COQ9: variants seen among roughly 807,000 people sequenced by gnomAD.
COQ9 encodes coenzyme Q9, also known as ubiquinone biosynthesis protein COQ9, mitochondrial.
In COQ9, 35 loss-of-function variants were observed where a neutral mutation model predicts 42.4. The ratio of observed to expected loss-of-function variants is 0.83; its 90% CI spans 0.63 to 1.10. The LOEUF (loss-of-function observed/expected upper bound fraction) is 1.10, where lower values mean the gene tolerates loss of function less well. COQ9 is among the 50% of genes least tolerant of loss of function. The probability of loss-of-function intolerance (pLI) is 0.00; values close to 1 mark genes in which losing one functional copy is unlikely to be tolerated. For synonymous variants in COQ9, 155 were observed against 155.1 expected (o/e 1.00, Z 0.00); for missense variants, 406 against 414.6 (o/e 0.98, Z 0.18).
chr16:57,450,412 C>CA (rs59815351), intron 1 of COQ9, among the ~76,000 whole-genome samples: 19,477 of 92,492 alleles, frequency 0.21, 2,022 homozygotes, highest in South Asian at 0.31. Flanking sequence ...GAGACTCTGA[C>CA]AAAAAAAAAA....
intron 3 of COQ9, among the ~76,000 whole-genome samples, chr16:57,455,715 G>A (rs1403247650): frequency 6.6e-6 from 1 of 152,056 alleles, no homozygotes; most frequent in Non-Finnish European, 1.5e-5. Context: ...TGGCTGCGAG[G>A]GGTAGAACTA....
rs2301773 is a variant in COQ9 at position 57,451,206 on chromosome 16, C to A, written c.240C>A (p.Pro80=). The A allele has an allele frequency of 1.2e-6, 2 of 1,614,108 alleles. No individual in the cohort carries two copies. The highest frequency in any genetic ancestry group is 1.7e-6 in the Non-Finnish European group (2 of 1,180,036). The change falls in exon 2 of 9, where the codon CCC becomes CCA. Residue 80 remains proline (P), a splice_region_variant and synonymous_variant. Transcript: ENST00000262507. ...ATCCAGAGTCTTCTCATTCACCCCC[C>A]AGGTAGGCACCAATCCACCTATTTC... The part of the protein sequence containing the change: ...KPDPESSHSP[P]RYTDQGGEEE...
intron 4 of COQ9, 138 bp downstream of exon 4, chr16:57,456,784 T>A: frequency 7.4e-7 from 1 of 1,344,294 alleles, no homozygotes; most frequent in Non-Finnish European, 1.0e-6. Flanking sequence ...GTGATGGGAC[T>A]GAAACCTGGC....
intron 2 of COQ9, among the ~76,000 whole-genome samples, chr16:57,451,748 T>G (rs1048108267): frequency 6.6e-6 from 1 of 152,242 alleles, no homozygotes; most frequent in Admixed American, 6.5e-5. Flanking sequence ...GTAATGTCTT[T>G]TCATAGCTTA....
At chr16:57,455,417 A>AT (rs2030379838) in intron 3 of COQ9, among the ~76,000 whole-genome samples, 1 of 148,096 alleles carries the variant, frequency 6.8e-6, no homozygotes, top group Non-Finnish European at 1.5e-5. Context: ...ATATATATAT[A>AT]AAATAATTAT....
chr16:57,452,921 T>A lies in COQ9; in HGVS notation c.363T>A (p.Ile121=). 1.2e-6 allele frequency: 2 copies of A among 1,613,648 alleles called. No homozygotes were observed. Among genetic ancestry groups the A allele is most frequent in the Non-Finnish European group, 1.7e-6 (2 of 1,179,918 alleles). The change falls in exon 3 of 9, where the codon ATT becomes ATA. Residue 121 remains isoleucine (I), a synonymous_variant. Transcript: ENST00000262507. ...CCCACGGGTGGACAGCAGAGGCGAT[T>A]GCAGAAGGAGCCCAGGTGTGTATAG... The part of the protein sequence containing the change: ...VPAHGWTAEA[I]AEGAQSLGLS...
chr16:57,456,967 G>A lies in COQ9; in HGVS notation c.558G>A (p.Val186=). 1 of 1,614,110 alleles carries A rather than the reference G, an allele frequency of 6.2e-7. No homozygotes were observed. Among genetic ancestry groups the A allele is most frequent in the Non-Finnish European group, 8.5e-7 (1 of 1,179,984 alleles). Residue 186 remains valine, a synonymous_variant, in exon 5 of 9, where the codon GTG becomes GTA. Transcript: ENST00000262507. ...CAGACCAGTTCCTGAGGGATGCAGT[G>A]GAAACCAGACTGAGAATGCTGATCC... ...RKTDQFLRDA[V]ETRLRMLIPY...
In COQ9 at chr16:57,460,575, C is replaced by T. The variant is rs1045466017; in HGVS notation, c.922-14C>T. On this transcript the variant is annotated splice_polypyrimidine_tract_variant and intron_variant, in intron 8 of 8. Transcript: ENST00000262507. ...AAGCCCTCACTATTCTCTTTATTTC[C>T]ATTCCCGTGTCAGCTCAAGAACTTG... 9.9e-6 allele frequency: 16 copies of T among 1,613,652 alleles called. No homozygotes were observed. The highest frequency in any genetic ancestry group is 2.2e-5 in the East Asian group (1 of 44,878).
At chr16:57,450,898 T>A in intron 1 of COQ9, 142 bp from the exon 2 acceptor site, 3 of 940,854 alleles carry the variant, frequency 3.2e-6, no homozygotes, top group South Asian at 1.4e-5. Context: ...TACCCAATAT[T>A]TTTGTGTGGG....
chr16:57,460,724 C>A lies in COQ9; in HGVS notation c.*100C>A. 2 of 1,123,384 alleles carry A rather than the reference C, an allele frequency of 1.8e-6. No individual in the cohort carries two copies. The highest frequency in any genetic ancestry group is 1.3e-6 in the Non-Finnish European group (1 of 746,812). 69.6% of individuals were successfully genotyped at this position (1,123,384 alleles called of 1,614,324 possible). A position where few individuals can be genotyped will look rare whatever the true frequency, so the allele number is the denominator to read the frequency against. On this transcript the variant is annotated 3_prime_UTR_variant, in exon 9 of 9. Coordinates refer to ENST00000262507, the MANE Select transcript of COQ9 (RefSeq NM_020312.4). The stretch of plus-strand genomic sequence containing the variant: ...TGCCATCCACATAACCTGGTGTTCA[C>A]GAGAACACACTAAAGGACTCCTGAG...
At chr16:57,458,116 G>A (rs555292725) in intron 5 of COQ9, 130 bp from the exon 6 acceptor site, 31 of 727,450 alleles carry the variant, frequency 4.3e-5, no homozygotes, top group Non-Finnish European at 6.4e-5. Context: ...ACGCCAGTGG[G>A]TGAAGATGCT....
At chr16:57,452,045 G>A (rs1440246179) in intron 2 of COQ9, among the ~76,000 whole-genome samples, 2 of 152,026 alleles carry the variant, frequency 1.3e-5, no homozygotes, top group South Asian at 4.1e-4. Context: ...AAATTAGCGT[G>A]TTCCTTTTCA....
intron 8 of COQ9, among the ~76,000 whole-genome samples, chr16:57,460,367 C>G (rs764718126): frequency 2.0e-5 from 3 of 152,036 alleles, no homozygotes; most frequent in Non-Finnish European, 2.9e-5. Context: ...CCTTGCAAAC[C>G]TGGATCTTGG....
At chr16:57,455,061 G>A (rs541101743) in intron 3 of COQ9, among the ~76,000 whole-genome samples, 10 of 152,206 alleles carry the variant, frequency 6.6e-5, no homozygotes, top group Non-Finnish European at 1.5e-4. Flanking sequence ...GCTGCTGCCA[G>A]ACATACAGGA....
intron 6 of COQ9, among the ~76,000 whole-genome samples, chr16:57,459,262 TC>T (rs2030474068): frequency 6.6e-6 from 1 of 152,236 alleles, no homozygotes; most frequent in Non-Finnish European, 1.5e-5. Context: ...TACTAGCAGT[TC>T]CAAAATGGAT....
intron 4 of COQ9, 31 bp from the exon 5 acceptor site, chr16:57,456,900 G>A (rs76915829): frequency 6.3e-7 from 1 of 1,589,882 alleles, no homozygotes; most frequent in East Asian, 2.2e-5. Context: ...CTTTCACTCA[G>A]AGACACACTG....
chr16:57,459,595 G>T lies in COQ9; in HGVS notation c.742G>T (p.Ala248Ser). ...CTGGTACACCCGCCGAGCCATGCTGGCTGCCATCTACAACACAACAGAGCT... is the reference window on the plus strand; with the variant it reads ...CTGGTACACCCGCCGAGCCATGCTGTCTGCCATCTACAACACAACAGAGCT... ...FNWYTRRAML[A>S]AIYNTTELVM... The change falls in exon 7 of 9, where the codon GCT becomes TCT. Residue 248 changes from alanine (A) to serine (S), a missense_variant. Ala to Ser is a moderately conservative substitution (Grantham distance 99, BLOSUM62 1). Transcript: ENST00000262507. 6.2e-7 allele frequency: 1 copy of T among 1,614,174 alleles called. No individual in the cohort carries two copies. Among genetic ancestry groups the T allele is most frequent in the Non-Finnish European group, 8.5e-7 (1 of 1,180,036 alleles).
At chr16:57,452,635 C>G (rs142303524) in intron 2 of COQ9, among the ~76,000 whole-genome samples, 166 bp from the exon 3 acceptor site, 7 of 152,266 alleles carry the variant, frequency 4.6e-5, no homozygotes, top group African/African-American at 1.2e-4. Flanking sequence ...GAGGGAGACT[C>G]TGTCTCAAAA....
At position 57,452,872 on chromosome 16, in the gene COQ9, C is replaced by A. The variant is rs758406432; in HGVS notation, c.314C>A (p.Thr105Lys). 11 of 1,613,826 alleles carry A rather than the reference C, an allele frequency of 6.8e-6. No homozygotes were observed. Among genetic ancestry groups the A allele is most frequent in the Non-Finnish European group, 9.3e-6 (11 of 1,180,000 alleles). The change falls in exon 3 of 9, where the codon ACG (threonine) becomes AAG (lysine). Residue 105 changes from threonine to lysine, a missense_variant. Physicochemically the swap from Thr to Lys is moderately conservative, Grantham distance 78. Transcript: ENST00000262507. ...SEEQLQHRIL[T>K]AALEFVPAHG... is the part of the protein sequence containing the mutation. ...GAGCAGTTGCAGCACCGCATCCTGA[C>A]GGCAGCCCTTGAGTTTGTGCCCGCC... is the stretch of plus-strand genomic sequence containing the variant.
Sources: gnomAD v4.1 joint callset for allele counts (sites outside exome capture counted in the v4.1 genomes callset) on GRCh38, gnomAD v4.1.1 for gene constraint, MANE v1.5 for transcripts, NCBI Gene and HGNC (gene_info 2026-07-23, HGNC 2026-07-21) for gene names.